Variants in ANKS6 observed in about 807,000 individuals in gnomAD.
ANKS6 encodes the protein ankyrin repeat and SAM domain-containing protein 6.
In ANKS6, 47 loss-of-function variants were observed where a neutral mutation model predicts 77.9. The observed-to-expected ratio is 0.60, with a 90% CI of 0.48 to 0.77. The LOEUF (loss-of-function observed/expected upper bound fraction) is 0.77, where lower values mean the gene tolerates loss of function less well. ANKS6 is among the 30% of genes least tolerant of loss of function. The pLI, the probability that ANKS6 is intolerant of heterozygous loss-of-function variation, is 0.00. For synonymous variants in ANKS6, 488 were observed against 501.7 expected (o/e 0.97, Z 0.37); for missense variants, 1,150 against 1,159.1 (o/e 0.99, Z 0.11).
chr9:98,748,133 G>A (rs747282414), intron 13 of ANKS6, among the ~76,000 whole-genome samples: 42 of 152,256 alleles, frequency 2.8e-4, no homozygotes, highest in Non-Finnish European at 5.1e-4. Flanking sequence ...CTCTGGCAGA[G>A]GGTCTGGCAG....
chr9:98,768,031 T>C, intron 11 of ANKS6, 50 bp downstream of exon 11: 1 of 1,557,634 alleles, frequency 6.4e-7, no homozygotes, highest in Non-Finnish European at 8.7e-7. Flanking sequence ...TGGCCCATGT[T>C]AGAACAGAAT....
intron 14 of ANKS6, 83 bp downstream of exon 14, chr9:98,745,476 G>A (rs1253391276): frequency 5.2e-6 from 7 of 1,343,084 alleles, no homozygotes; most frequent in Non-Finnish European, 5.3e-6. Context: ...GAGAGAGGAA[G>A]TAAGACCTTC....
Position 98,796,305 on chromosome 9 carries a change from C to T in ANKS6, c.187G>A (p.Gly63Arg). The T allele has an allele frequency of 7.9e-7, 1 of 1,260,200 alleles. No individual in the cohort carries two copies. The highest frequency in any genetic ancestry group is 1.0e-6 in the Non-Finnish European group (1 of 1,002,144). 78.1% of individuals were successfully genotyped at this position (1,260,200 alleles called of 1,614,324 possible). A position where few individuals can be genotyped will look rare whatever the true frequency, so the allele number is the denominator to read the frequency against. Residue 63 changes from glycine (G) to arginine (R), a missense_variant, in exon 1 of 15, where the codon GGG becomes AGG. Physicochemically the swap from Gly to Arg is moderately radical, Grantham distance 125 (BLOSUM62 -2). Coordinates refer to ENST00000353234, the MANE Select transcript of ANKS6 (RefSeq NM_173551.5). ...ACGGGCACCGGAGCCCCGACTGCCC[C>T]CGCCGCTGCGGCCCCGGGCCCGGCC... ...EVAGPGAAAA[G>R]AVGAPVPVDC...
At chr9:98,767,822 G>A (rs1276064685) in intron 11 of ANKS6, among the ~76,000 whole-genome samples, 1 of 152,216 alleles carries the variant, frequency 6.6e-6, no homozygotes, top group Non-Finnish European at 1.5e-5. Flanking sequence ...GTGACCTGTG[G>A]GACTGCAGGA....
intron 11 of ANKS6, among the ~76,000 whole-genome samples, chr9:98,759,771 A>G (rs935808648): frequency 2.6e-5 from 4 of 152,194 alleles, no homozygotes; most frequent in African/African-American, 4.8e-5. Context: ...ACTCTAACTC[A>G]TATGTGGAAG....
At chr9:98,773,277 C>G (rs983535325) in intron 9 of ANKS6, among the ~76,000 whole-genome samples, 1 of 152,214 alleles carries the variant, frequency 6.6e-6, no homozygotes, top group Non-Finnish European at 1.5e-5. Context: ...TCTCCAATCA[C>G]CCAGCACATG....
intron 14 of ANKS6, among the ~76,000 whole-genome samples, chr9:98,737,369 T>G (rs1831555363): frequency 6.6e-6 from 1 of 152,152 alleles, no homozygotes; most frequent in South Asian, 2.1e-4. Flanking sequence ...ATAAAAGAAT[T>G]CAGCAAAGTT....
At chr9:98,785,092 A>G (rs965445877) in intron 2 of ANKS6, among the ~76,000 whole-genome samples, 6 of 152,214 alleles carry the variant, frequency 3.9e-5, no homozygotes, top group Non-Finnish European at 8.8e-5. Context: ...CTTGCCAACA[A>G]AACACGAATG....
In ANKS6 at chr9:98,778,268, G is replaced by C. The variant is rs150567578; in HGVS notation, c.1525C>G (p.Arg509Gly). ...GGGGCCGCATCAGGGAGTGCAGAGC[G>C]GCTTGTCTTGTCCTGGGGGGCAGCC... The part of the protein sequence containing the change: ...MRAAPQDKTS[R>G]SALPDAAPVT... The change falls in exon 7 of 15, where the codon CGC becomes GGC. Residue 509 changes from arginine (R) to glycine (G), a missense_variant. Coordinates refer to ENST00000353234, the MANE Select transcript of ANKS6 (RefSeq NM_173551.5). The C allele has an allele frequency of 1.2e-6, 2 of 1,614,186 alleles. No homozygotes were observed. The highest frequency in any genetic ancestry group is 2.2e-5 in the South Asian group (2 of 91,074).
At chr9:98,776,378 A>G (rs533119321) in intron 8 of ANKS6, among the ~76,000 whole-genome samples, 5 of 150,420 alleles carry the variant, frequency 3.3e-5, no homozygotes, top group African/African-American at 4.9e-5. Flanking sequence ...CTGTGATTTA[A>G]GCAGAGTAGT....
At chr9:98,785,881 G>A (rs1481504452) in intron 2 of ANKS6, among the ~76,000 whole-genome samples, 1 of 152,140 alleles carries the variant, frequency 6.6e-6, no homozygotes, top group Non-Finnish European at 1.5e-5. Flanking sequence ...CAAATGTGGG[G>A]ATAGCATCCC....
At position 98,732,890 on chromosome 9, in the gene ANKS6, C is replaced by T. The variant is rs764201642; in HGVS notation, c.*3629G>A. 1.3e-5 allele frequency: 15 copies of T among 1,121,472 alleles called. No individual in the cohort carries two copies. The highest frequency in any genetic ancestry group is 1.6e-5 in the African/African-American group (1 of 61,748). 69.5% of individuals were successfully genotyped at this position (1,121,472 alleles called of 1,614,324 possible). On this transcript the variant is annotated 3_prime_UTR_variant, in exon 15 of 15. Transcript: ENST00000353234. Reference sequence around the variant, plus strand: ...CCTCCCTGACGATCTAGAACTTACACATTACGTGCTGCCTTTGCACATGCC... The same window carrying T: ...CCTCCCTGACGATCTAGAACTTACATATTACGTGCTGCCTTTGCACATGCC...
intron 14 of ANKS6, among the ~76,000 whole-genome samples, chr9:98,744,551 G>A (rs1035012546): frequency 2.6e-5 from 4 of 152,178 alleles, no homozygotes; most frequent in African/African-American, 9.7e-5. Context: ...ATTTGTAGAT[G>A]ATAAAGTACT....
chr9:98,732,582 AGAGAGAT>A lies in ANKS6; in HGVS notation c.*3930_*3936del, dbSNP rs1174884010. Reference sequence around the variant, plus strand: ...CGTCAGGGCAGAAGGGAGAGAAGAAAGAGAGATGAGAGATGAAAGGATTTAAAATGGG... The same window carrying A: ...CGTCAGGGCAGAAGGGAGAGAAGAAAGAGAGATGAAAGGATTTAAAATGGG... On this transcript the variant is annotated 3_prime_UTR_variant, in exon 15 of 15. Coordinates refer to ENST00000353234, the MANE Select transcript of ANKS6 (RefSeq NM_173551.5). 1.6e-5 allele frequency: 25 copies of A among 1,550,416 alleles called. No individual in the cohort carries two copies. Among genetic ancestry groups the A allele is most frequent in the Non-Finnish European group, 2.6e-6 (3 of 1,146,990 alleles).
chr9:98,775,866 C>G (rs144273525), intron 8 of ANKS6, among the ~76,000 whole-genome samples: 258 of 152,316 alleles, frequency 1.7e-3, no homozygotes, highest in Middle Eastern at 0.01. Flanking sequence ...TCAGGCAGCA[C>G]AAGCCCCCAC....
chr9:98,783,898 T>C, intron 4 of ANKS6, 55 bp downstream of exon 4: 1 of 1,408,542 alleles, frequency 7.1e-7, no homozygotes, highest in Non-Finnish European at 9.3e-7. Context: ...AACCTCCATC[T>C]CAGGCCAGAG....
chr9:98,766,768 C>A (rs1833317978), intron 11 of ANKS6, among the ~76,000 whole-genome samples: 1 of 152,184 alleles, frequency 6.6e-6, no homozygotes, highest in African/African-American at 2.4e-5. Context: ...CAGAAAATGA[C>A]TATTTCTCAT....
intron 5 of ANKS6, among the ~76,000 whole-genome samples, chr9:98,781,153 G>A (rs1834229216): frequency 6.6e-6 from 1 of 152,182 alleles, no homozygotes; most frequent in Non-Finnish European, 1.5e-5. Flanking sequence ...ACCCACCTCA[G>A]CCTCCCAAAG....
At chr9:98,768,034 A>G (rs753569405) in intron 11 of ANKS6, 47 bp downstream of exon 11, 146 of 1,561,266 alleles carry the variant, frequency 9.4e-5, no homozygotes, top group Non-Finnish European at 1.2e-4. Context: ...CCCATGTTAG[A>G]ACAGAATCTG....
Sources: gnomAD v4.1 joint callset for allele counts (sites outside exome capture counted in the v4.1 genomes callset) on GRCh38, gnomAD v4.1.1 for gene constraint, MANE v1.5 for transcripts, NCBI Gene and HGNC (gene_info 2026-07-23, HGNC 2026-07-21) for gene names.